CRISPLD2: variants seen among roughly 807,000 people sequenced by gnomAD.
The protein encoded by CRISPLD2 is cysteine-rich secretory protein LCCL domain-containing 2.
A neutral mutation model predicts 71.1 loss-of-function variants in CRISPLD2; 47 were observed. The ratio of observed to expected loss-of-function variants is 0.66; its 90% confidence interval spans 0.52 to 0.84. CRISPLD2 has a LOEUF of 0.84. CRISPLD2 is among the 40% of genes least tolerant of loss of function. CRISPLD2 has a pLI of 0.00. For missense variants in CRISPLD2, 830 were observed against 651.1 expected (o/e 1.27, Z -2.99); for synonymous variants, 317 against 250.1 (o/e 1.27, Z -2.52).
chr16:84,898,660 C>G (rs187176637), intron 14 of CRISPLD2, among the ~76,000 whole-genome samples: 1 of 152,218 alleles, frequency 6.6e-6, no homozygotes, highest in Non-Finnish European at 1.5e-5. Context: ...CTTCTCACCC[C>G]ACCCCAGACT....
intron 9 of CRISPLD2, 120 bp from the exon 10 acceptor site, chr16:84,872,872 G>A (rs2143289203): frequency 7.9e-7 from 1 of 1,271,454 alleles, no homozygotes; most frequent in East Asian, 2.4e-5. Flanking sequence ...GGAGCAGAGT[G>A]AGCTTTGGCC....
At chr16:84,840,612 T>C (rs1916744031) in intron 2 of CRISPLD2, among the ~76,000 whole-genome samples, 1 of 152,196 alleles carries the variant, frequency 6.6e-6, no homozygotes, top group Admixed American at 6.5e-5. Flanking sequence ...GTTCAAGCAA[T>C]TCTCCTGACT....
At chr16:84,833,654 C>T (rs182853609) in intron 1 of CRISPLD2, among the ~76,000 whole-genome samples, 2 of 152,150 alleles carry the variant, frequency 1.3e-5, no homozygotes, top group African/African-American at 4.8e-5. Flanking sequence ...CATCCATCTG[C>T]CAGAGGTCAG....
intron 1 of CRISPLD2, among the ~76,000 whole-genome samples, chr16:84,838,176 C>G (rs2050418136): frequency 6.6e-6 from 1 of 152,110 alleles, no homozygotes; most frequent in Non-Finnish European, 1.5e-5. Context: ...AACTTGAGTC[C>G]AGGAAGAACT....
At position 84,838,390 on chromosome 16, in the gene CRISPLD2, G is replaced by A. The variant is rs995624349; in HGVS notation, c.-74-32G>A. On this transcript the variant is annotated intron_variant, in intron 1 of 14. Coordinates refer to ENST00000262424, the MANE Select transcript of CRISPLD2 (RefSeq NM_031476.4). ...CGCTGTGACCGGCTCCTACTAATGC[G>A]ACTTCTCCCACCACCCTCTGCTTCC... The A allele has an allele frequency of 7.7e-6, 11 of 1,420,088 alleles. No individual in the cohort carries two copies. In the African/African-American group the frequency reaches 1.1e-4, roughly 15 times the overall value. The allele number at this position is 1,420,088 out of a possible 1,614,324, so 88.0% of individuals were successfully genotyped here.
chr16:84,877,615 C>T (rs755361921), intron 12 of CRISPLD2, 105 bp downstream of exon 12: 69 of 938,836 alleles, frequency 7.3e-5, no homozygotes, highest in Non-Finnish European at 1.0e-4. Context: ...TTTGGGAGGC[C>T]GAGGCGGGTG....
intron 14 of CRISPLD2, among the ~76,000 whole-genome samples, chr16:84,905,707 CTTTTT>C (rs36068463): frequency 2.6e-5 from 3 of 116,100 alleles, no homozygotes; most frequent in Non-Finnish European, 3.5e-5. Context: ...CAATAAAGCT[CTTTTT>C]TTTTTTTTTT....
Position 84,873,051 on chromosome 16 carries a change from G to T in CRISPLD2, c.1041G>T (p.Leu347=). 1 of 1,613,896 alleles carries T rather than the reference G, an allele frequency of 6.2e-7. No homozygotes were observed. Reference sequence around the variant, plus strand: ...GGATCCTGGATGACAAGGGAGGCCTGGTGGATATCACCAGGAACGGGAAGG... The same window carrying T: ...GGATCCTGGATGACAAGGGAGGCCTTGTGGATATCACCAGGAACGGGAAGG... The part of the protein sequence containing the change: ...HYGILDDKGG[L]VDITRNGKVP... Residue 347 remains leucine (L), a synonymous_variant, in exon 10 of 15, where the codon CTG becomes CTT. Coordinates refer to ENST00000262424, the MANE Select transcript of CRISPLD2 (RefSeq NM_031476.4).
chr16:84,889,599 C>CT (rs1383142438), intron 14 of CRISPLD2, among the ~76,000 whole-genome samples: 1 of 147,346 alleles, frequency 6.8e-6, no homozygotes, highest in Non-Finnish European at 1.5e-5. Context: ...AAAAAAAGAA[C>CT]TTTTTTTCCT....
chr16:84,891,117 C>G (rs1209331240), intron 14 of CRISPLD2, among the ~76,000 whole-genome samples: 1 of 152,144 alleles, frequency 6.6e-6, no homozygotes, highest in Non-Finnish European at 1.5e-5. Flanking sequence ...TTCTGAGGTG[C>G]ACTTGAGGGT....
Position 84,906,882 on chromosome 16 carries a change from C to G in CRISPLD2, c.*240C>G, listed in dbSNP as rs1181093591. 2.0e-5 allele frequency: 12 copies of G among 585,522 alleles called. No homozygotes were observed. Among genetic ancestry groups the G allele is most frequent in the Non-Finnish European group, 3.0e-5 (10 of 328,210 alleles). The allele number at this position is 585,522 out of a possible 1,614,324, so 36.3% of individuals were successfully genotyped here. A position where few individuals can be genotyped will look rare whatever the true frequency, so the allele number is the denominator to read the frequency against. On this transcript the variant is annotated 3_prime_UTR_variant, in exon 15 of 15. Transcript: ENST00000262424. ...TGATCCTGCTGGGGCCTGGGGGTCT[C>G]CATCTGGACGTCCTCTCTCCTTTAG... is the stretch of plus-strand genomic sequence containing the variant.
chr16:84,858,614 C>T (rs1206711486), intron 6 of CRISPLD2, among the ~76,000 whole-genome samples: 1 of 152,206 alleles, frequency 6.6e-6, no homozygotes, highest in Non-Finnish European at 1.5e-5. Context: ...AGCAAAATGT[C>T]TTCAGTGCAA....
chr16:84,906,549 G>A, intron 14 of CRISPLD2, 39 bp from the exon 15 acceptor site: 1 of 1,609,528 alleles, frequency 6.2e-7, no homozygotes, highest in Non-Finnish European at 8.5e-7. Context: ...AGGCCCTCCA[G>A]ATCTCTCAGT....
At chr16:84,883,500 C>T (rs1305010953) in intron 13 of CRISPLD2, among the ~76,000 whole-genome samples, 1 of 152,218 alleles carries the variant, frequency 6.6e-6, no homozygotes, top group South Asian at 2.1e-4. Flanking sequence ...TTCTGTCCTC[C>T]CCATCCCACT....
intron 12 of CRISPLD2, among the ~76,000 whole-genome samples, chr16:84,879,365 T>TTC (rs200544736): frequency 0.25 from 28,649 of 115,336 alleles, 2,910 homozygotes; most frequent in East Asian, 0.37. Flanking sequence ...CCAATTCTTT[T>TTC]TTTTTTTTTT....
intron 11 of CRISPLD2, 107 bp downstream of exon 11, chr16:84,874,070 A>G (rs2071498666): frequency 1.0e-6 from 1 of 967,904 alleles, no homozygotes; most frequent in Admixed American, 2.3e-5. Context: ...ATGCGTGTGA[A>G]CATTATGGTT....
At chr16:84,854,251 G>A (rs1850407935) in intron 5 of CRISPLD2, among the ~76,000 whole-genome samples, 1 of 152,234 alleles carries the variant, frequency 6.6e-6, no homozygotes, top group Non-Finnish European at 1.5e-5. Flanking sequence ...GGGTGTTGGG[G>A]AGATGGGGTG....
intron 2 of CRISPLD2, chr16:84,838,952 A>G (rs1432685527): frequency 1.4e-6 from 1 of 712,078 alleles, no homozygotes. Context: ...GCAATGGCAC[A>G]ATCGTCATGC....
intron 3 of CRISPLD2, 103 bp from the exon 4 acceptor site, chr16:84,849,282 C>T: frequency 8.5e-7 from 1 of 1,172,974 alleles, no homozygotes; most frequent in Non-Finnish European, 1.2e-6. Context: ...CCGCTATTCA[C>T]CCTCCTCGGC....
Sources: gnomAD v4.1 joint callset for allele counts (sites outside exome capture counted in the v4.1 genomes callset) on GRCh38, gnomAD v4.1.1 for gene constraint, MANE v1.5 for transcripts, NCBI Gene and HGNC (gene_info 2026-07-23, HGNC 2026-07-21) for gene names.